The following KICS2 variants were observed in gnomAD, a reference collection of about 807,000 sequenced individuals.
KICS2 encodes KICSTOR subunit 2, also known as KICSTOR complex protein C12orf66.
Under a neutral mutation model 31.4 loss-of-function variants are expected in KICS2, and 13 were observed. That is an observed-to-expected ratio of 0.41 (90% CI 0.27 to 0.66). The LOEUF is 0.66. Among genes scored for constraint, KICS2 ranks in the 30% least tolerant of loss-of-function variants. The probability of loss-of-function intolerance (pLI) is 0.28; values close to 1 mark genes in which losing one functional copy is unlikely to be tolerated. For missense variants in KICS2, 455 were observed against 545.4 expected (o/e 0.83, Z 1.65); for synonymous variants, 209 against 214.8 (o/e 0.97, Z 0.24).
chr12:64,216,247 A>G (rs1397948466), intron 1 of KICS2, among the ~76,000 whole-genome samples: 1 of 150,926 alleles, frequency 6.6e-6, no homozygotes. Context: ...GTAGCAATGG[A>G]CCTGTGTACA....
At position 64,203,333 on chromosome 12, in the gene KICS2, T is replaced by C. The variant is rs73323100; in HGVS notation, c.522-8675A>G. On this transcript the variant is annotated intron_variant, in intron 2 of 2. Transcript: ENST00000398055. ...CCTGTACAGACCACACAGAGCTTTCTTGCTCAGTTTCTCTTCTGAGAAGCG... is the reference window on the plus strand; with the variant it reads ...CCTGTACAGACCACACAGAGCTTTCCTGCTCAGTTTCTCTTCTGAGAAGCG... Among the ~76,000 whole-genome samples, 156 of 152,330 alleles carry C rather than the reference T, an allele frequency of 1.0e-3. 2 individuals carry two copies. Among genetic ancestry groups the C allele is most frequent in the African/African-American group, 3.6e-3 (149 of 41,570 alleles).
At position 64,221,732 on chromosome 12, in the gene KICS2, T is replaced by C. The variant is rs867445477; in HGVS notation, c.235+271A>G. 2.3e-5 allele frequency: 13 copies of C among 561,290 alleles called. 1 individual carries two copies. Among genetic ancestry groups the C allele is most frequent in the Middle Eastern group, 4.7e-4 (1 of 2,106 alleles). 34.8% of individuals were successfully genotyped at this position (561,290 alleles called of 1,614,324 possible). ...ACTTCTCATTTATGGCATCAATCCA[T>C]GCACGAGGCAAAAGGGCAAACCCTT... is the stretch of plus-strand genomic sequence containing the variant. On this transcript the variant is annotated intron_variant, in intron 1 of 2. Coordinates refer to ENST00000398055, the MANE Select transcript of KICS2 (RefSeq NM_152440.5).
chr12:64,220,185 CA>C (rs1239451057), intron 1 of KICS2, among the ~76,000 whole-genome samples: 1 of 152,130 alleles, frequency 6.6e-6, no homozygotes, highest in East Asian at 1.9e-4. Context: ...TTCACAGCAC[CA>C]AATGTTGTAT....
chr12:64,194,071 T>C lies in KICS2; in HGVS notation c.1109A>G (p.Asp370Gly), dbSNP rs746911314. Residue 370 changes from aspartate (D) to glycine (G), a missense_variant, in exon 3 of 3, where the codon GAC becomes GGC. Transcript: ENST00000398055. The part of the protein sequence containing the change: ...HWPNVIMIMT[D>G]RTSDLNSLEK... Reference sequence around the variant, plus strand: ...CAAGCTGTTCAGATCAGATGTGCGGTCCGTCATGATCATGATGACATTGGG... The same window carrying C: ...CAAGCTGTTCAGATCAGATGTGCGGCCCGTCATGATCATGATGACATTGGG... 1.9e-6 allele frequency: 3 copies of C among 1,614,160 alleles called. No homozygotes were observed. The highest frequency in any genetic ancestry group is 2.2e-5 in the East Asian group (1 of 44,874).
In KICS2 at chr12:64,194,157, C is replaced by T. The variant is rs1220173571; in HGVS notation, c.1023G>A (p.Lys341=). Residue 341 remains lysine, a synonymous_variant, in exon 3 of 3, where the codon AAG becomes AAA. Transcript: ENST00000398055. ...HHPHSYREAP[K]GVDQYPAVVS... ...CTACAGCTGGATACTGGTCCACACC[C>T]TTGGGGGCCTCTCTGTAGGAATGGG... is the stretch of plus-strand genomic sequence containing the variant. 6.2e-7 allele frequency: 1 copy of T among 1,614,028 alleles called. No individual in the cohort carries two copies. The highest frequency in any genetic ancestry group is 1.3e-5 in the African/African-American group (1 of 74,906).
At chr12:64,205,342 A>G (rs1450409802) in intron 2 of KICS2, among the ~76,000 whole-genome samples, 6 of 152,222 alleles carry the variant, frequency 3.9e-5, no homozygotes, top group Non-Finnish European at 8.8e-5. Flanking sequence ...CTATTTTTCA[A>G]CCTCAAGAAG....
At chr12:64,195,293 C>A (rs540883418) in intron 2 of KICS2, among the ~76,000 whole-genome samples, 1 of 152,178 alleles carries the variant, frequency 6.6e-6, no homozygotes, top group South Asian at 2.1e-4. Context: ...TGAAACAAGG[C>A]ATGCTCTTTT....
intron 2 of KICS2, among the ~76,000 whole-genome samples, chr12:64,213,087 C>CAAAAAAAAAAAAAAA (rs1235001391): frequency 1.4e-5 from 1 of 69,112 alleles, no homozygotes; most frequent in Non-Finnish European, 3.1e-5. Context: ...GAGACAAACT[C>CAAAAAAAAAAAAAAA]AAAAAAAAAA....
rs1463182800 is a variant in KICS2 at position 64,215,666 on chromosome 12, C to T, written c.521+12G>A. ...CAGCCACGCTTTCTCCCTCCCTCCTCCCCACACTGACCTGGAGCTGTATTT... is the reference window on the plus strand; with the variant it reads ...CAGCCACGCTTTCTCCCTCCCTCCTTCCCACACTGACCTGGAGCTGTATTT... On this transcript the variant is annotated intron_variant, in intron 2 of 2. Coordinates refer to ENST00000398055, the MANE Select transcript of KICS2 (RefSeq NM_152440.5). 1.2e-6 allele frequency: 2 copies of T among 1,607,488 alleles called. No homozygotes were observed. Among genetic ancestry groups the T allele is most frequent in the Non-Finnish European group, 1.7e-6 (2 of 1,176,646 alleles).
downstream of KICS2, among the ~76,000 whole-genome samples, chr12:64,190,613 A>T (rs377651710): frequency 1.3e-5 from 2 of 152,056 alleles, no homozygotes; most frequent in African/African-American, 4.8e-5. Context: ...ATATTTTTTT[A>T]AAATTAGCCA....
rs1054116251 is a variant in KICS2 at position 64,222,258 on chromosome 12, A to C, written c.-21T>G. The C allele has an allele frequency of 6.2e-7, 1 of 1,611,142 alleles. No homozygotes were observed. Among genetic ancestry groups the C allele is most frequent in the Non-Finnish European group, 8.5e-7 (1 of 1,178,908 alleles). On this transcript the variant is annotated 5_prime_UTR_variant, in exon 1 of 3. Transcript: ENST00000398055. ...CCCATGCGAGCTGCGCCCCAGCTCG[A>C]CCCACGTGGCTCTCCTCGGCCTCGC...
chr12:64,188,980 C>A (rs1592376135), downstream of KICS2, among the ~76,000 whole-genome samples: 2 of 152,072 alleles, frequency 1.3e-5, no homozygotes, highest in Admixed American at 1.3e-4. Context: ...TAGTGAAACC[C>A]CAACTCTACT....
Position 64,195,081 on chromosome 12 carries a change from A to G in KICS2, c.522-423T>C, listed in dbSNP as rs768957600. Among the ~76,000 whole-genome samples, 9 of 152,140 alleles carry G rather than the reference A, an allele frequency of 5.9e-5. 1 individual carries two copies. The highest frequency in any genetic ancestry group is 8.8e-5 in the Non-Finnish European group (6 of 68,030). ...CTTAGCATCCCAAGCAGCTGAGAAC[A>G]TAGGCACACACTCCATTTTCTGTAG... is the stretch of plus-strand genomic sequence containing the variant. On this transcript the variant is annotated intron_variant, in intron 2 of 2. Transcript: ENST00000398055.
At chr12:64,188,702 A>G (rs1320267748), downstream of KICS2, among the ~76,000 whole-genome samples, 1 of 150,544 alleles carries the variant, frequency 6.6e-6, no homozygotes, top group Admixed American at 6.6e-5. Flanking sequence ...ATATTTACCA[A>G]AAAAAATCTT....
chr12:64,222,041 T>C lies in KICS2; in HGVS notation c.197A>G (p.Lys66Arg), dbSNP rs2037688711. 6 of 1,613,734 alleles carry C rather than the reference T, an allele frequency of 3.7e-6. No homozygotes were observed. The East Asian group carries it at 1.3e-4, about 36-fold the overall frequency. ...AALAHLAAAE[K>R]VYHSLTYLGQ... ...CAGGTAGGTGAGGCTGTGATAGACC[T>C]TCTCGGCCGCGGCCAGGTGCGCCAA... The change falls in exon 1 of 3, where the codon AAG becomes AGG. Residue 66 changes from lysine (K) to arginine (R), a missense_variant. Physicochemically the swap from Lys to Arg is conservative, Grantham distance 26 (BLOSUM62 2). Transcript: ENST00000398055.
At chr12:64,202,319 G>A (rs1315007288) in intron 2 of KICS2, among the ~76,000 whole-genome samples, 1 of 152,016 alleles carries the variant, frequency 6.6e-6, no homozygotes, top group Non-Finnish European at 1.5e-5. Context: ...GCTGAGGTGG[G>A]AAGATCACCT....
intron 1 of KICS2, among the ~76,000 whole-genome samples, chr12:64,217,238 C>T (rs760354281): frequency 2.0e-5 from 3 of 152,116 alleles, no homozygotes; most frequent in Non-Finnish European, 4.4e-5. Context: ...GGTTTTAAAA[C>T]AAAGTCCCAC....
intron 2 of KICS2, among the ~76,000 whole-genome samples, chr12:64,205,754 G>GAAAAGGGCAGGAAGGA (rs2037532880): frequency 1.8e-5 from 1 of 56,876 alleles, no homozygotes; most frequent in Non-Finnish European, 4.3e-5. Flanking sequence ...GGGAGGGAGG[G>GAAAAGGGCAGGAAGGA]AAAAGGGAAG....
intron 2 of KICS2, among the ~76,000 whole-genome samples, chr12:64,205,604 G>GGGAAAAAGGGAAGGAGGGAA (rs1555181664): frequency 1.7e-3 from 216 of 128,626 alleles, no homozygotes; most frequent in African/African-American, 6.2e-3. Flanking sequence ...AAGGAAAGGA[G>GGGAAAAAGGGAAGGAGGGAA]GGAAAAAGGG....
Sources: allele counts gnomAD v4.1 joint callset (sites outside exome capture counted in the v4.1 genomes callset), GRCh38; gene constraint gnomAD v4.1.1; transcripts MANE v1.5; gene names NCBI Gene and HGNC (gene_info 2026-07-23, HGNC 2026-07-21).